PLCB1: variants seen among roughly 807,000 people sequenced by gnomAD.
PLCB1 encodes 1-phosphatidylinositol 4,5-bisphosphate phosphodiesterase beta-1.
PLCB1 carries 46 observed loss-of-function variants against 161.8 expected under a neutral mutation model. The observed-to-expected ratio is 0.28, with a 90% CI of 0.22 to 0.36. PLCB1 has a LOEUF of 0.36. Ranked by LOEUF, PLCB1 falls within the 10% of genes least tolerant of loss-of-function variation. The pLI, the probability that PLCB1 is intolerant of heterozygous loss-of-function variation, is 1.00. For synonymous variants in PLCB1, 517 were observed against 503.7 expected, an observed-to-expected ratio of 1.03 and a Z score of -0.35; for missense variants, 1,016 against 1,472.5, an observed-to-expected ratio of 0.69 and a Z score of 5.07.
chr20:8,783,285 T>A (rs1462552068), intron 27 of PLCB1, among the ~76,000 whole-genome samples: 1 of 152,234 alleles, frequency 6.6e-6, no homozygotes, highest in Non-Finnish European at 1.5e-5. Flanking sequence ...GCTTCTTCTC[T>A]ACCTTTAATA....
At chr20:8,645,571 T>G (rs1380710878) in intron 4 of PLCB1, among the ~76,000 whole-genome samples, 1 of 152,160 alleles carries the variant, frequency 6.6e-6, no homozygotes, top group Non-Finnish European at 1.5e-5. Flanking sequence ...ATTAGGAGAT[T>G]AGTGAGATAT....
intron 2 of PLCB1, among the ~76,000 whole-genome samples, chr20:8,327,952 T>G (rs1001568090): frequency 6.6e-6 from 1 of 152,224 alleles, no homozygotes; most frequent in South Asian, 2.1e-4. Context: ...GTAATACACA[T>G]GCTTATATAC....
At chr20:8,347,665 G>A (rs1041526528) in intron 2 of PLCB1, among the ~76,000 whole-genome samples, 4 of 152,158 alleles carry the variant, frequency 2.6e-5, no homozygotes, top group African/African-American at 7.2e-5. Context: ...TATTGTTGGA[G>A]TTGTCCATGA....
chr20:8,140,108 A>C (rs2051387640), intron 1 of PLCB1, among the ~76,000 whole-genome samples: 1 of 152,172 alleles, frequency 6.6e-6, no homozygotes, highest in African/African-American at 2.4e-5. Context: ...CTTTGGCTTC[A>C]ACAAAGCTGG....
chr20:8,789,271 C>T (rs1383296283), intron 29 of PLCB1, among the ~76,000 whole-genome samples: 2 of 152,120 alleles, frequency 1.3e-5, no homozygotes, highest in Non-Finnish European at 2.9e-5. Flanking sequence ...TCCAGCTACT[C>T]AGAAGGCTGA....
intron 2 of PLCB1, among the ~76,000 whole-genome samples, chr20:8,167,019 A>C (rs1263079378): frequency 6.6e-6 from 1 of 152,200 alleles, no homozygotes; most frequent in East Asian, 1.9e-4. Context: ...TCCGTGTTTA[A>C]GACCTGGCTC....
chr20:8,713,687 C>T (rs1183295157), intron 12 of PLCB1, among the ~76,000 whole-genome samples: 1 of 152,100 alleles, frequency 6.6e-6, no homozygotes, highest in Non-Finnish European at 1.5e-5. Flanking sequence ...GCTGTAACCA[C>T]CATGGTTTAT....
At chr20:8,169,648 C>T (rs2051712915) in intron 2 of PLCB1, among the ~76,000 whole-genome samples, 1 of 152,136 alleles carries the variant, frequency 6.6e-6, no homozygotes. Flanking sequence ...GCAGATAATA[C>T]TGCCAAGTTG....
At chr20:8,811,300 A>C (rs1300731740) in intron 31 of PLCB1, among the ~76,000 whole-genome samples, 3 of 152,244 alleles carry the variant, frequency 2.0e-5, no homozygotes, top group African/African-American at 7.2e-5. Flanking sequence ...TTGGAGGTTT[A>C]GACTCGAAGG....
chr20:8,822,215 TA>T (rs1361583763), intron 31 of PLCB1, among the ~76,000 whole-genome samples: 1 of 152,196 alleles, frequency 6.6e-6, no homozygotes, highest in East Asian at 1.9e-4. Context: ...GCAGACTAAA[TA>T]GTTGGGCAAT....
At chr20:8,641,165 T>C (rs769315923) in intron 4 of PLCB1, among the ~76,000 whole-genome samples, 1 of 152,236 alleles carries the variant, frequency 6.6e-6, no homozygotes, top group Non-Finnish European at 1.5e-5. Context: ...TTCTGTACTT[T>C]ATTAATTGGA....
At chr20:8,648,091 T>C (rs1255788905) in intron 6 of PLCB1, 138 bp downstream of exon 6, 1 of 564,456 alleles carries the variant, frequency 1.8e-6, no homozygotes, top group Non-Finnish European at 3.1e-6. Context: ...CCCTCACACA[T>C]GTCTCATGTC....
At chr20:8,663,097 A>G (rs955318918) in intron 9 of PLCB1, among the ~76,000 whole-genome samples, 37 of 152,006 alleles carry the variant, frequency 2.4e-4, no homozygotes, top group African/African-American at 8.5e-4. Flanking sequence ...TACCTGAGAA[A>G]GGCACTTCCA....
At chr20:8,240,288 A>G (rs2123202543) in intron 2 of PLCB1, among the ~76,000 whole-genome samples, 1 of 150,474 alleles carries the variant, frequency 6.6e-6, no homozygotes, top group South Asian at 2.1e-4. Flanking sequence ...TGACACACAC[A>G]CACACACACA....
At chr20:8,450,378 T>C (rs990819396) in intron 3 of PLCB1, among the ~76,000 whole-genome samples, 1 of 152,000 alleles carries the variant, frequency 6.6e-6, no homozygotes, top group Non-Finnish European at 1.5e-5. Flanking sequence ...TAAATTTTTC[T>C]TTCATTTTTT....
At chr20:8,285,942 T>G (rs1204137093) in intron 2 of PLCB1, among the ~76,000 whole-genome samples, 1 of 152,138 alleles carries the variant, frequency 6.6e-6, no homozygotes, top group Non-Finnish European at 1.5e-5. Flanking sequence ...ATTGATGGTA[T>G]TTTTTCAGGG....
chr20:8,497,806 T>A (rs1278919842), intron 3 of PLCB1, among the ~76,000 whole-genome samples: 1 of 152,194 alleles, frequency 6.6e-6, no homozygotes, highest in Non-Finnish European at 1.5e-5. Flanking sequence ...TCCTCATACA[T>A]TTTTAAAATC....
chr20:8,166,368 C>T (rs944095798), intron 2 of PLCB1, among the ~76,000 whole-genome samples: 4 of 152,026 alleles, frequency 2.6e-5, no homozygotes, highest in African/African-American at 4.8e-5. Context: ...TTGTTGATAA[C>T]CCCATTTTCC....
intron 11 of PLCB1, among the ~76,000 whole-genome samples, chr20:8,707,047 T>C (rs1978723187): frequency 6.6e-6 from 1 of 152,220 alleles, no homozygotes; most frequent in African/African-American, 2.4e-5. Flanking sequence ...ATCTGGATGT[T>C]GCTTGCCTTT....
Sources: allele counts gnomAD v4.1 joint callset (sites outside exome capture counted in the v4.1 genomes callset), GRCh38; gene constraint gnomAD v4.1.1; transcripts MANE v1.5; gene names NCBI Gene and HGNC (gene_info 2026-07-23, HGNC 2026-07-21).